GTF2H1: variants seen among roughly 807,000 people sequenced by gnomAD.
GTF2H1 encodes the protein general transcription factor IIH subunit 1, also known as BTF2 p62.
GTF2H1 carries 16 observed loss-of-function variants against 71.2 expected under a neutral mutation model. The ratio of observed to expected loss-of-function variants is 0.22; its 90% CI spans 0.15 to 0.34. The LOEUF is 0.34. GTF2H1 is among the 10% of genes least tolerant of loss of function. The probability of loss-of-function intolerance (pLI) is 1.00; values close to 1 mark genes in which losing one functional copy is unlikely to be tolerated. For missense variants in GTF2H1, 498 were observed against 648.2 expected (o/e 0.77, Z 2.52); for synonymous variants, 215 against 219.0 (o/e 0.98, Z 0.16).
At chr11:18,328,155 A>G (rs1340930369) in intron 1 of GTF2H1, among the ~76,000 whole-genome samples, 1 of 148,672 alleles carries the variant, frequency 6.7e-6, no homozygotes, top group Non-Finnish European at 1.5e-5. Flanking sequence ...GTAAGCCAAG[A>G]TCGGGCCACT....
At chr11:18,351,031 T>C (rs1361102145) in intron 9 of GTF2H1, among the ~76,000 whole-genome samples, 3 of 152,206 alleles carry the variant, frequency 2.0e-5, no homozygotes, top group Non-Finnish European at 4.4e-5. Flanking sequence ...ATTTTACAAA[T>C]GGTGTTAGAA....
At position 18,352,447 on chromosome 11, in the gene GTF2H1, G is replaced by GT; in HGVS notation, c.1260+2dup. 8.5e-7 allele frequency: 1 copy of GT among 1,172,818 alleles called. No individual in the cohort carries two copies. Among genetic ancestry groups the GT allele is most frequent in the Non-Finnish European group, 1.3e-6 (1 of 778,902 alleles). The allele number at this position is 1,172,818 out of a possible 1,614,324, so 72.7% of individuals were successfully genotyped here. On this transcript the variant is annotated splice_donor_variant, in intron 11 of 14. Coordinates refer to ENST00000265963, the MANE Select transcript of GTF2H1 (RefSeq NM_005316.4). LOFTEE classifies it high-confidence loss of function. ...AGCTTATACACCCAAGTTAACTCAG[G>GT]TAGGTGACTTCTACTGTTTGAAGGC...
At chr11:18,345,497 A>ATTT (rs1865269545) in intron 7 of GTF2H1, among the ~76,000 whole-genome samples, 2 of 144,514 alleles carry the variant, frequency 1.4e-5, no homozygotes, top group African/African-American at 5.3e-5. Flanking sequence ...CAGCATATGG[A>ATTT]TCTTTTTTTT....
chr11:18,330,489 C>G (rs1864869054), intron 1 of GTF2H1, among the ~76,000 whole-genome samples: 2 of 152,318 alleles, frequency 1.3e-5, no homozygotes, highest in South Asian at 2.1e-4. Context: ...ACATGAAGTA[C>G]TGCTAACACC....
At chr11:18,330,455 A>G (rs1424735430) in intron 1 of GTF2H1, among the ~76,000 whole-genome samples, 2 of 152,188 alleles carry the variant, frequency 1.3e-5, no homozygotes, top group African/African-American at 4.8e-5. Flanking sequence ...ATTTTATAGG[A>G]TTGTACTTTT....
intron 11 of GTF2H1, among the ~76,000 whole-genome samples, chr11:18,357,078 G>A (rs1865571113): frequency 6.6e-6 from 1 of 152,110 alleles, no homozygotes; most frequent in African/African-American, 2.4e-5. Context: ...GTCCCATACT[G>A]TACTTTTACA....
At chr11:18,346,011 C>G (rs995447162) in intron 7 of GTF2H1, among the ~76,000 whole-genome samples, 4 of 148,792 alleles carry the variant, frequency 2.7e-5, no homozygotes, top group Non-Finnish European at 5.9e-5. Context: ...AGGATGGCCT[C>G]GATCTCCTGA....
intron 7 of GTF2H1, among the ~76,000 whole-genome samples, chr11:18,343,201 T>C (rs923531753): frequency 9.2e-5 from 14 of 152,286 alleles, no homozygotes; most frequent in African/African-American, 3.4e-4. Context: ...GGATTACAGA[T>C]GTGAGCCACT....
chr11:18,329,974 C>T (rs76457623), intron 1 of GTF2H1, among the ~76,000 whole-genome samples: 10 of 152,024 alleles, frequency 6.6e-5, no homozygotes, highest in Admixed American at 1.3e-4. Context: ...AGAGTAGTTG[C>T]TAGAGGTTGG....
intron 3 of GTF2H1, 53 bp from the exon 4 acceptor site, chr11:18,338,056 C>T: frequency 1.7e-6 from 2 of 1,195,786 alleles, no homozygotes; most frequent in Non-Finnish European, 2.4e-6. Context: ...AATGTACCTA[C>T]ATGGTGTTTT....
chr11:18,347,818 C>G lies in GTF2H1; in HGVS notation c.966-14C>G, dbSNP rs772882823. 5 of 1,590,184 alleles carry G rather than the reference C, an allele frequency of 3.1e-6. No individual in the cohort carries two copies. The highest frequency in any genetic ancestry group is 4.3e-6 in the Non-Finnish European group (5 of 1,168,830). On this transcript the variant is annotated splice_polypyrimidine_tract_variant and intron_variant, in intron 8 of 14. Coordinates refer to ENST00000265963, the MANE Select transcript of GTF2H1 (RefSeq NM_005316.4). ...GGTTTTTAACGTTAACTTTTTTTTCCCCTTTATTTTAAGAGAAGCACAAAA... is the reference window on the plus strand; with the variant it reads ...GGTTTTTAACGTTAACTTTTTTTTCGCCTTTATTTTAAGAGAAGCACAAAA...
Position 18,351,904 on chromosome 11 carries a change from A to G in GTF2H1, c.1077A>G (p.Glu359=). 2 of 1,574,832 alleles carry G rather than the reference A, an allele frequency of 1.3e-6. No individual in the cohort carries two copies. Among genetic ancestry groups the G allele is most frequent in the Non-Finnish European group, 1.7e-6 (2 of 1,144,646 alleles). The change falls in exon 10 of 15, where the codon GAA becomes GAG. Residue 359 remains glutamate (E), a synonymous_variant. Transcript: ENST00000265963. ...VKRAKLQESI[E]YEDLGKNNSV... ...AGGCGAAATTACAAGAGTCCATTGAATATGAAGACTTGGGGAAAAATAATT... is the reference window on the plus strand; with the variant it reads ...AGGCGAAATTACAAGAGTCCATTGAGTATGAAGACTTGGGGAAAAATAATT...
intron 1 of GTF2H1, among the ~76,000 whole-genome samples, chr11:18,324,651 T>C (rs190251717): frequency 6.6e-6 from 1 of 152,362 alleles, no homozygotes; most frequent in African/African-American, 2.4e-5. Context: ...TTATGCATAC[T>C]GCTGATAGAG....
At chr11:18,339,788 C>T (rs942974371) in intron 5 of GTF2H1, 131 bp downstream of exon 5, 5 of 598,334 alleles carry the variant, frequency 8.4e-6, no homozygotes, top group South Asian at 2.1e-5. Flanking sequence ...TACCCAGTGC[C>T]TGACATATGG....
intron 11 of GTF2H1, among the ~76,000 whole-genome samples, chr11:18,357,016 CA>C (rs1244718496): frequency 6.6e-6 from 1 of 151,984 alleles, no homozygotes; most frequent in Non-Finnish European, 1.5e-5. Context: ...TGGTATCTGA[CA>C]AAAGGAAAAT....
chr11:18,356,536 G>T (rs1038700944), intron 11 of GTF2H1, among the ~76,000 whole-genome samples: 1 of 152,170 alleles, frequency 6.6e-6, no homozygotes, highest in Non-Finnish European at 1.5e-5. Flanking sequence ...TAGTTGTCCA[G>T]TATCTGGCCC....
At chr11:18,326,718 C>G (rs545574088) in intron 1 of GTF2H1, among the ~76,000 whole-genome samples, 1 of 152,212 alleles carries the variant, frequency 6.6e-6, no homozygotes, top group East Asian at 1.9e-4. Context: ...ATCAGCTGTC[C>G]TTGCTCACTG....
chr11:18,342,337 C>G (rs1865180333), intron 7 of GTF2H1, among the ~76,000 whole-genome samples: 1 of 139,442 alleles, frequency 7.2e-6, no homozygotes, highest in African/African-American at 2.6e-5. Flanking sequence ...TCTTGGCTCA[C>G]TGCAACCTCT....
chr11:18,347,927 C>T lies in GTF2H1; in HGVS notation c.1053+8C>T, dbSNP rs201401149. The T allele has an allele frequency of 1.6e-4, 248 of 1,590,440 alleles. No homozygotes were observed. In the African/African-American group the frequency reaches 3.0e-3, roughly 19 times the overall value. On this transcript the variant is annotated splice_region_variant and intron_variant, in intron 9 of 14. Transcript: ENST00000265963. ...CAGCCAGCAGTCAAAAGGGTATGGG[C>T]AAAAAAATATGAACCATTTGGGGCT...
Sources: allele counts gnomAD v4.1 joint callset (sites outside exome capture counted in the v4.1 genomes callset), GRCh38; gene constraint gnomAD v4.1.1; transcripts MANE v1.5; gene names NCBI Gene and HGNC (gene_info 2026-07-23, HGNC 2026-07-21).